UGT1A8: variants seen among roughly 807,000 people sequenced by gnomAD.
The protein encoded by UGT1A8 is UDP glucuronosyltransferase family 1 member A8, also known as UDP-glucuronosyltransferase 1A8.
UGT1A8 carries 39 observed loss-of-function variants against 45.3 expected under a neutral mutation model. The ratio of observed to expected loss-of-function variants is 0.86; its 90% CI spans 0.67 to 1.12. UGT1A8 has a LOEUF of 1.12. Ranked by LOEUF, UGT1A8 falls within the 50% of genes most tolerant of loss-of-function variation. The pLI is 0.00. For missense variants in UGT1A8, 719 were observed against 664.9 expected (o/e 1.08, Z -0.90); for synonymous variants, 275 against 249.2 (o/e 1.10, Z -0.97).
intron 1 of UGT1A8, among the ~76,000 whole-genome samples, chr2:233,623,487 A>G (rs1054811121): frequency 6.6e-6 from 1 of 152,136 alleles, no homozygotes; most frequent in South Asian, 2.1e-4. Context: ...CTTTGTAGTA[A>G]TTGTGAATGC....
intron 1 of UGT1A8, among the ~76,000 whole-genome samples, chr2:233,687,667 C>G (rs1464147606): frequency 6.6e-6 from 1 of 151,454 alleles, no homozygotes; most frequent in Non-Finnish European, 1.5e-5. Flanking sequence ...CTTTAGGAGG[C>G]CAAGGCAGGA....
At chr2:233,720,203 G>C (rs1171500164) in intron 1 of UGT1A8, among the ~76,000 whole-genome samples, 1 of 152,178 alleles carries the variant, frequency 6.6e-6, no homozygotes, top group Non-Finnish European at 1.5e-5. Context: ...GGGCTGTGAA[G>C]GTGGGATGGA....
At chr2:233,645,599 C>A (rs914986283) in intron 1 of UGT1A8, among the ~76,000 whole-genome samples, 1 of 152,218 alleles carries the variant, frequency 6.6e-6, no homozygotes, top group African/African-American at 2.4e-5. Context: ...GGGCTACAGG[C>A]CCCATGCATG....
intron 1 of UGT1A8, chr2:233,682,633 T>G: frequency 2.5e-6 from 4 of 1,613,964 alleles, no homozygotes; most frequent in Non-Finnish European, 3.4e-6. Flanking sequence ...AAATAGCCTC[T>G]GAAATTCTCC....
At chr2:233,685,139 G>A (rs1299501397) in intron 1 of UGT1A8, among the ~76,000 whole-genome samples, 2 of 152,112 alleles carry the variant, frequency 1.3e-5, no homozygotes, top group Non-Finnish European at 2.9e-5. Context: ...ATCCAGGGAT[G>A]TAATTAAATA....
chr2:233,721,483 T>C (rs977271860), intron 1 of UGT1A8: 7 of 174,698 alleles, frequency 4.0e-5, no homozygotes, highest in African/African-American at 1.7e-4. Context: ...ATCATTCTTA[T>C]TATTTTAGTT....
intron 1 of UGT1A8, among the ~76,000 whole-genome samples, chr2:233,757,184 G>A (rs1386483916): frequency 6.6e-6 from 1 of 151,202 alleles, no homozygotes; most frequent in Non-Finnish European, 1.5e-5. Context: ...CAAGGCAGAG[G>A]ACTCTGAATT....
intron 1 of UGT1A8, among the ~76,000 whole-genome samples, chr2:233,674,801 C>T (rs906064883): frequency 2.0e-5 from 3 of 152,158 alleles, no homozygotes; most frequent in Non-Finnish European, 4.4e-5. Context: ...GAATTCAGAA[C>T]TCAAAGAAGG....
chr2:233,709,781 G>A (rs2076092056), intron 1 of UGT1A8, among the ~76,000 whole-genome samples: 1 of 152,082 alleles, frequency 6.6e-6, no homozygotes, highest in South Asian at 2.1e-4. Flanking sequence ...GCAATAAAGT[G>A]CACCGTTTTA....
Position 233,618,011 on chromosome 2 carries a change from G to A in UGT1A8, c.304G>A (p.Val102Ile), listed in dbSNP as rs752229813. 9.3e-6 allele frequency: 15 copies of A among 1,614,172 alleles called. No individual in the cohort carries two copies. Among genetic ancestry groups the A allele is most frequent in the South Asian group, 3.3e-5 (3 of 91,072 alleles). ...CGCCGATGCTCAATGGAAAGCACAA[G>A]TACGAAGTTTGTTTTCTCTATTTCT... is the stretch of plus-strand genomic sequence containing the variant. ...DFADAQWKAQ[V>I]RSLFSLFLSS... The change falls in exon 1 of 5, where the codon GTA becomes ATA. Residue 102 changes from valine to isoleucine, a missense_variant. Coordinates refer to ENST00000373450, the MANE Select transcript of UGT1A8 (RefSeq NM_019076.5).
chr2:233,758,540 T>C (rs145954073), intron 1 of UGT1A8, among the ~76,000 whole-genome samples: 1 of 152,348 alleles, frequency 6.6e-6, no homozygotes, highest in Non-Finnish European at 1.5e-5. Flanking sequence ...GCTATGTCTA[T>C]TCTGCTTGCC....
At position 233,755,083 on chromosome 2, in the gene UGT1A8, C is replaced by T. The variant is rs755765570; in HGVS notation, c.856-11951C>T. ...GCCTCGCCATAGCGGTCATAGATAT[C>T]GCGTTTCTACGCGTCCGACAACACC... On this transcript the variant is annotated intron_variant, in intron 1 of 4. Transcript: ENST00000373450. The T allele has an allele frequency of 3.0e-6, 4 of 1,335,262 alleles. No individual in the cohort carries two copies. In the South Asian group the frequency reaches 3.4e-5, roughly 11 times the overall value. 82.7% of individuals were successfully genotyped at this position (1,335,262 alleles called of 1,614,324 possible). A position where few individuals can be genotyped will look rare whatever the true frequency, so the allele number is the denominator to read the frequency against.
At chr2:233,642,611 G>A (rs1203695324) in intron 1 of UGT1A8, among the ~76,000 whole-genome samples, 1 of 152,158 alleles carries the variant, frequency 6.6e-6, no homozygotes, top group Non-Finnish European at 1.5e-5. Flanking sequence ...TGAAGAGTTA[G>A]GTGTTTATTG....
At chr2:233,708,017 T>C (rs1188075129) in intron 1 of UGT1A8, among the ~76,000 whole-genome samples, 1 of 152,118 alleles carries the variant, frequency 6.6e-6, no homozygotes, top group Non-Finnish European at 1.5e-5. Flanking sequence ...TTCTGGATAC[T>C]AGTTCTTTGG....
At chr2:233,772,033 A>T (rs33979061) in intron 4 of UGT1A8, among the ~76,000 whole-genome samples, 1 of 152,088 alleles carries the variant, frequency 6.6e-6, no homozygotes, top group Non-Finnish European at 1.5e-5. Flanking sequence ...GGATGGCTTG[A>T]GCCCAGGAGT....
chr2:233,724,180 C>A (rs1179896471), intron 1 of UGT1A8, among the ~76,000 whole-genome samples: 6 of 128,866 alleles, frequency 4.7e-5, no homozygotes, highest in Non-Finnish European at 8.1e-5. Context: ...CCATCTCCCT[C>A]CCGGACGGGG....
chr2:233,713,726 G>A (rs1243333945), intron 1 of UGT1A8: 1 of 1,613,960 alleles, frequency 6.2e-7, no homozygotes, highest in Non-Finnish European at 8.5e-7. Flanking sequence ...AGGTGTCAGT[G>A]GTGGATCTTG....
chr2:233,743,704 C>G, intron 1 of UGT1A8: 2 of 1,367,360 alleles, frequency 1.5e-6, no homozygotes, highest in Non-Finnish European at 2.0e-6. Context: ...CCTCCGCCCC[C>G]GCCTCGCCAT....
intron 1 of UGT1A8, chr2:233,636,505 T>C (rs1343125452): frequency 6.2e-7 from 1 of 1,602,694 alleles, no homozygotes; most frequent in Non-Finnish European, 8.5e-7. Flanking sequence ...AGCTGCTGGC[T>C]CGGGCTGCAG....
Sources: gnomAD v4.1 joint callset for allele counts (sites outside exome capture counted in the v4.1 genomes callset) on GRCh38, gnomAD v4.1.1 for gene constraint, MANE v1.5 for transcripts, NCBI Gene and HGNC (gene_info 2026-07-23, HGNC 2026-07-21) for gene names.